The following PTPRJ variants were observed in gnomAD, a reference collection of about 807,000 sequenced individuals.
PTPRJ encodes receptor-type tyrosine-protein phosphatase eta.
A neutral mutation model predicts 141.3 loss-of-function variants in PTPRJ; 129 were observed. The ratio of observed to expected loss-of-function variants is 0.91; its 90% CI spans 0.79 to 1.06. PTPRJ has a LOEUF of 1.06. Among genes scored for constraint, PTPRJ ranks in the 50% least tolerant of loss-of-function variants. The probability of loss-of-function intolerance (pLI) is 0.00; values close to 1 mark genes in which losing one functional copy is unlikely to be tolerated. For missense variants in PTPRJ, 1,601 were observed against 1,679.7 expected (o/e 0.95, Z 0.82); for synonymous variants, 610 against 640.5 (o/e 0.95, Z 0.72).
intron 1 of PTPRJ, among the ~76,000 whole-genome samples, chr11:48,039,465 GT>G (rs1401424955): frequency 1.8e-3 from 13 of 7,260 alleles, no homozygotes; most frequent in African/African-American, 6.7e-3. Flanking sequence ...CAACACTATG[GT>G]GTGTGTGTGT....
At chr11:48,122,779 T>C (rs1386514334) in intron 4 of PTPRJ, among the ~76,000 whole-genome samples, 16 of 152,216 alleles carry the variant, frequency 1.1e-4, no homozygotes, top group Admixed American at 1.0e-3. Flanking sequence ...CATCTTACCG[T>C]TTCGGAGCTG....
At chr11:48,030,181 T>C (rs957392201) in intron 1 of PTPRJ, among the ~76,000 whole-genome samples, 2 of 152,194 alleles carry the variant, frequency 1.3e-5, no homozygotes, top group African/African-American at 2.4e-5. Flanking sequence ...GGCAGGGTCA[T>C]GTTGGTATTT....
At chr11:48,109,963 A>T in intron 1 of PTPRJ, 95 bp from the exon 2 acceptor site, 1 of 1,390,582 alleles carries the variant, frequency 7.2e-7, no homozygotes, top group Non-Finnish European at 1.0e-6. Flanking sequence ...TTACCACCCC[A>T]CCCCCATTAT....
intron 8 of PTPRJ, among the ~76,000 whole-genome samples, chr11:48,134,032 A>G (rs1417386571): frequency 6.6e-6 from 1 of 152,210 alleles, no homozygotes; most frequent in Non-Finnish European, 1.5e-5. Flanking sequence ...GGTAGTGGTG[A>G]TAGTTACACA....
At chr11:48,159,120 G>GGGGGGT (rs1565333220) in intron 21 of PTPRJ, among the ~76,000 whole-genome samples, 1 of 1,428 alleles carries the variant, frequency 7.0e-4, no homozygotes, top group Non-Finnish European at 1.5e-3. Context: ...GTGTGTATGT[G>GGGGGGT]GGGTGTGTGT....
At chr11:48,120,702 G>A (rs932960936) in intron 3 of PTPRJ, among the ~76,000 whole-genome samples, 1 of 152,096 alleles carries the variant, frequency 6.6e-6, no homozygotes, top group African/African-American at 2.4e-5. Context: ...ACCTCCTAAA[G>A]TTTGGTCTCT....
At chr11:48,024,112 T>A (rs535982079) in intron 1 of PTPRJ, among the ~76,000 whole-genome samples, 1 of 152,100 alleles carries the variant, frequency 6.6e-6, no homozygotes, top group South Asian at 2.1e-4. Flanking sequence ...AGTCAGTGGC[T>A]TCATTAATCT....
chr11:48,003,757 A>C (rs1446902581), intron 1 of PTPRJ, among the ~76,000 whole-genome samples: 1 of 152,166 alleles, frequency 6.6e-6, no homozygotes, highest in Non-Finnish European at 1.5e-5. Context: ...TGGCTCCTCA[A>C]AGTGTTGGGA....
intron 3 of PTPRJ, among the ~76,000 whole-genome samples, chr11:48,113,325 C>T (rs995214277): frequency 1.3e-5 from 2 of 152,116 alleles, no homozygotes; most frequent in African/African-American, 2.4e-5. Flanking sequence ...CAATATATTA[C>T]AAATATTCTT....
chr11:48,109,883 A>G (rs961746794), intron 1 of PTPRJ, among the ~76,000 whole-genome samples, 175 bp from the exon 2 acceptor site: 19 of 152,130 alleles, frequency 1.2e-4, no homozygotes, highest in African/African-American at 4.6e-4. Flanking sequence ...CCGAGGTTGC[A>G]ATGATTCCCT....
At chr11:48,115,365 A>T (rs927681508) in intron 3 of PTPRJ, among the ~76,000 whole-genome samples, 2 of 152,214 alleles carry the variant, frequency 1.3e-5, no homozygotes, top group African/African-American at 4.8e-5. Flanking sequence ...TTCTCAGCAG[A>T]AACTTACAGG....
At chr11:48,046,912 A>ATATTTTT (rs1446781886) in intron 1 of PTPRJ, among the ~76,000 whole-genome samples, 5 of 74,166 alleles carry the variant, frequency 6.7e-5, no homozygotes, top group African/African-American at 3.6e-4. Flanking sequence ...ATATATATAT[A>ATATTTTT]TTTTTTTTTT....
Position 48,125,001 on chromosome 11 carries a change from G to C in PTPRJ, c.908G>C (p.Ser303Thr). 6.2e-7 allele frequency: 1 copy of C among 1,614,056 alleles called. No homozygotes were observed. Among genetic ancestry groups the C allele is most frequent in the Non-Finnish European group, 8.5e-7 (1 of 1,180,006 alleles). The change falls in exon 6 of 25, where the codon AGC (serine) becomes ACC (threonine). Residue 303 changes from serine (S) to threonine (T), a missense_variant. By Grantham distance (58) the Ser-to-Thr change is moderately conservative (BLOSUM62 1). Transcript: ENST00000418331. The part of the protein sequence containing the change: ...ASNTERSRAG[S>T]PTAPVHDESL... The stretch of plus-strand genomic sequence containing the variant: ...AATACAGAGAGAAGCCGGGCAGGGA[G>C]CCCCACCGCCCCTGTGCATGATGAG...
At chr11:47,996,874 T>C (rs1444688593) in intron 1 of PTPRJ, among the ~76,000 whole-genome samples, 1 of 152,224 alleles carries the variant, frequency 6.6e-6, no homozygotes, top group African/African-American at 2.4e-5. Flanking sequence ...TCAGAAGACC[T>C]GTTGTGAGGT....
At chr11:48,036,790 A>T (rs1394558616) in intron 1 of PTPRJ, among the ~76,000 whole-genome samples, 5 of 152,130 alleles carry the variant, frequency 3.3e-5, no homozygotes, top group Admixed American at 2.6e-4. Flanking sequence ...TGTCTTTTTT[A>T]CCTATCAGAA....
At chr11:48,061,913 T>G (rs996699158) in intron 1 of PTPRJ, among the ~76,000 whole-genome samples, 10 of 149,516 alleles carry the variant, frequency 6.7e-5, no homozygotes, top group Non-Finnish European at 1.0e-4. Flanking sequence ...CTTATAGTTT[T>G]TTTTTTTTTT....
At chr11:48,019,263 C>G (rs968447719) in intron 1 of PTPRJ, among the ~76,000 whole-genome samples, 3 of 152,100 alleles carry the variant, frequency 2.0e-5, no homozygotes, top group African/African-American at 7.2e-5. Flanking sequence ...TTTTCAGTGA[C>G]GAGGAAGCAT....
intron 1 of PTPRJ, among the ~76,000 whole-genome samples, chr11:48,004,892 T>A (rs753889958): frequency 5.3e-5 from 8 of 152,226 alleles, no homozygotes; most frequent in African/African-American, 1.9e-4. Flanking sequence ...TGTTGAGATA[T>A]AATTTACATA....
At chr11:48,092,964 C>T (rs1041511660) in intron 1 of PTPRJ, among the ~76,000 whole-genome samples, 1 of 152,042 alleles carries the variant, frequency 6.6e-6, no homozygotes, top group African/African-American at 2.4e-5. Context: ...CATATATGAG[C>T]GTTGAATATT....
Sources: allele counts gnomAD v4.1 joint callset (sites outside exome capture counted in the v4.1 genomes callset), GRCh38; gene constraint gnomAD v4.1.1; transcripts MANE v1.5; gene names NCBI Gene and HGNC (gene_info 2026-07-23, HGNC 2026-07-21).